Variants in OR1B1 observed in about 807,000 individuals in gnomAD.
OR1B1 encodes the protein olfactory receptor 1B1.
For missense variants in OR1B1, 414 were observed against 402.1 expected, an observed-to-expected ratio of 1.03 and a Z score of -0.25; for synonymous variants, 168 against 156.2, an observed-to-expected ratio of 1.08 and a Z score of -0.57.
the OR1B1 span, chr9:122,639,721 AATAT>A: frequency 6.7e-6 from 1 of 150,136 alleles, no homozygotes; most frequent in Non-Finnish European, 1.5e-5. Context: ...ATTTAATTTC[AATAT>A]ATATTTATAT....
chr9:122,646,133 A>G, the OR1B1 span, among the ~76,000 whole-genome samples: 1 of 152,136 alleles, frequency 6.6e-6, no homozygotes, highest in Non-Finnish European at 1.5e-5. Flanking sequence ...GTTTAAAATG[A>G]TGGGTTATAA....
At chr9:122,641,861 C>G in the OR1B1 span, among the ~76,000 whole-genome samples, 1 of 152,006 alleles carries the variant, frequency 6.6e-6, no homozygotes, top group Non-Finnish European at 1.5e-5. Flanking sequence ...TAAATCTATA[C>G]AAATTTTAAT....
At chr9:122,657,384 T>C in the OR1B1 span, among the ~76,000 whole-genome samples, 2 of 151,666 alleles carry the variant, frequency 1.3e-5, no homozygotes, top group Non-Finnish European at 2.9e-5. Flanking sequence ...TACAACTGGT[T>C]ATTAGCAGAC....
At chr9:122,634,307 G>T (rs1830235697), upstream of OR1B1, among the ~76,000 whole-genome samples, 1 of 147,674 alleles carries the variant, frequency 6.8e-6, no homozygotes, top group Non-Finnish European at 1.5e-5. Flanking sequence ...TTGCACTCCA[G>T]CCTAGGCAAC....
At chr9:122,629,464 G>A (rs1191026182) in exon 1 of OR1B1, 1 of 1,611,450 alleles carries the variant, frequency 6.2e-7, no homozygotes, top group African/African-American at 1.4e-5. Context: ...GAGTGTAGGA[G>A]ATGTTAGCTC....
At chr9:122,638,581 A>G in the OR1B1 span, among the ~76,000 whole-genome samples, 2 of 152,190 alleles carry the variant, frequency 1.3e-5, no homozygotes, top group Non-Finnish European at 2.9e-5. Flanking sequence ...GGTAATATCT[A>G]TCCGAGAACT....
At chr9:122,653,879 T>C in the OR1B1 span, among the ~76,000 whole-genome samples, 4 of 152,194 alleles carry the variant, frequency 2.6e-5, no homozygotes, top group African/African-American at 9.7e-5. Context: ...AATTCATGCA[T>C]TTATGCATTT....
the OR1B1 span, among the ~76,000 whole-genome samples, chr9:122,655,578 C>T: frequency 6.7e-6 from 1 of 149,660 alleles, no homozygotes; most frequent in Admixed American, 6.8e-5. Context: ...CCTCAGCAAA[C>T]AAACACAGCA....
chr9:122,629,559 A>G (rs761877689), exon 1 of OR1B1: 64 of 1,452,304 alleles, frequency 4.4e-5, no homozygotes, highest in Non-Finnish European at 6.0e-5. Context: ...CCTGCCTGAA[A>G]GACAGTTTAA....
At chr9:122,651,769 G>C in the OR1B1 span, among the ~76,000 whole-genome samples, 3 of 152,216 alleles carry the variant, frequency 2.0e-5, no homozygotes, top group Non-Finnish European at 1.5e-5. Context: ...TATTTGTTGT[G>C]AGTTCATTTT....
the OR1B1 span, among the ~76,000 whole-genome samples, chr9:122,642,009 G>A: frequency 2.0e-5 from 3 of 152,132 alleles, no homozygotes; most frequent in Non-Finnish European, 2.9e-5. Context: ...AAAAGAAGAA[G>A]GGCGTGCAGA....
chr9:122,629,082 C>G (rs1420681933), exon 1 of OR1B1: 2 of 1,613,914 alleles, frequency 1.2e-6, no homozygotes, highest in Non-Finnish European at 1.7e-6. Flanking sequence ...ATGGACACCA[C>G]CCAGCTCAAG....
the OR1B1 span, among the ~76,000 whole-genome samples, chr9:122,644,677 AAG>A: frequency 3.9e-5 from 6 of 152,156 alleles, no homozygotes; most frequent in South Asian, 2.1e-4. Context: ...AGAAAAGAAT[AAG>A]AGTCTCTGCC....
At chr9:122,628,435 C>G (rs1830161510), downstream of OR1B1, 2 of 632,964 alleles carry the variant, frequency 3.2e-6, no homozygotes, top group Non-Finnish European at 5.7e-6. Flanking sequence ...ATGGCTCCAT[C>G]AAAGCACAAC....
At chr9:122,635,897 A>G in the OR1B1 span, among the ~76,000 whole-genome samples, 4 of 152,242 alleles carry the variant, frequency 2.6e-5, no homozygotes, top group Non-Finnish European at 5.9e-5. Flanking sequence ...CTGACAAAAG[A>G]TTTATCAGCA....
chr9:122,648,076 T>C, the OR1B1 span, among the ~76,000 whole-genome samples: 1 of 152,070 alleles, frequency 6.6e-6, no homozygotes, highest in Non-Finnish European at 1.5e-5. Context: ...TACAGATCAA[T>C]GTATTGTGTT....
At chr9:122,637,443 T>TA in the OR1B1 span, among the ~76,000 whole-genome samples, 24 of 152,148 alleles carry the variant, frequency 1.6e-4, no homozygotes, top group African/African-American at 5.8e-4. Flanking sequence ...AAGCTTCTTC[T>TA]AGGATTGCCT....
chr9:122,647,692 G>A, the OR1B1 span, among the ~76,000 whole-genome samples: 6 of 152,256 alleles, frequency 3.9e-5, no homozygotes, highest in Non-Finnish European at 8.8e-5. Flanking sequence ...AGGTTTTTCA[G>A]CTGTTGCTAC....
chr9:122,629,360 G>A, exon 1 of OR1B1: 1 of 1,614,120 alleles, frequency 6.2e-7, no homozygotes, highest in Non-Finnish European at 8.5e-7. Context: ...ATACATGGGT[G>A]AGTGCAGTCT....
Sources: gnomAD v4.1 joint callset for allele counts (sites outside exome capture counted in the v4.1 genomes callset) on GRCh38, gnomAD v4.1.1 for gene constraint, MANE v1.5 for transcripts, NCBI Gene and HGNC (gene_info 2026-07-23, HGNC 2026-07-21) for gene names.